Variants in FAM193A observed in about 807,000 individuals in gnomAD.
FAM193A encodes the protein family with sequence similarity 193 member A, also known as protein FAM193A.
A neutral mutation model predicts 126.5 loss-of-function variants in FAM193A; 22 were observed. The ratio of observed to expected loss-of-function variants is 0.17; its 90% CI spans 0.12 to 0.25. The LOEUF is 0.25. Ranked by LOEUF, FAM193A falls within the 10% of genes least tolerant of loss-of-function variation. The pLI, the probability that FAM193A is intolerant of heterozygous loss-of-function variation, is 1.00. For missense variants in FAM193A, 1,675 were observed against 1,672.8 expected, an observed-to-expected ratio of 1.00 and a Z score of -0.02; for synonymous variants, 761 against 646.8, an observed-to-expected ratio of 1.18 and a Z score of -2.68.
At chr4:2,545,660 T>C in intron 1 of FAM193A, among the ~76,000 whole-genome samples, 1 of 152,244 alleles carries the variant, frequency 6.6e-6, no homozygotes, top group East Asian at 1.9e-4. Flanking sequence ...TTTTAGAAAT[T>C]AACATGTAGC....
At chr4:2,558,090 C>G (rs1325949268) in intron 1 of FAM193A, among the ~76,000 whole-genome samples, 1 of 151,904 alleles carries the variant, frequency 6.6e-6, no homozygotes, top group African/African-American at 2.4e-5. Flanking sequence ...CTGGCCAACA[C>G]GGTGAAACCC....
intron 1 of FAM193A, among the ~76,000 whole-genome samples, chr4:2,558,428 C>T (rs1738399195): frequency 6.6e-6 from 1 of 152,204 alleles, no homozygotes; most frequent in Admixed American, 6.5e-5. Flanking sequence ...ATTGCCCAGG[C>T]TGGAGTGCAA....
In FAM193A at chr4:2,659,903, C is replaced by T. The variant is rs1238503109; in HGVS notation, c.1594C>T (p.Pro532Ser). 2 of 1,614,182 alleles carry T rather than the reference C, an allele frequency of 1.2e-6. No homozygotes were observed. The highest frequency in any genetic ancestry group is 1.7e-6 in the Non-Finnish European group (2 of 1,180,032). ...TGATGACATCCACATTCACCAGCTC[C>T]CACTTCAAGTGGATCCTGCTCCTGA... Reference protein sequence around the residue: ...VTDDIHIHQLPLQVDPAPDYL... With the variant: ...VTDDIHIHQLSLQVDPAPDYL... Residue 532 changes from proline to serine, a missense_variant, in exon 10 of 21, where the codon CCA becomes TCA. Pro to Ser is a moderately conservative substitution (Grantham distance 74, BLOSUM62 -1). Transcript: ENST00000637812.
chr4:2,661,835 C>T (rs1385323006), intron 10 of FAM193A, among the ~76,000 whole-genome samples: 1 of 152,162 alleles, frequency 6.6e-6, no homozygotes, highest in African/African-American at 2.4e-5. Flanking sequence ...TCTTTTAATG[C>T]ACCAGAGCTG....
At chr4:2,719,685 T>C (rs1205499021) in intron 20 of FAM193A, among the ~76,000 whole-genome samples, 2 of 145,058 alleles carry the variant, frequency 1.4e-5, no homozygotes, top group African/African-American at 5.2e-5. Flanking sequence ...GCGGAGGTTG[T>C]GGTGAGCCAA....
intron 7 of FAM193A, chr4:2,654,894 A>G (rs933709691): frequency 2.2e-6 from 1 of 454,026 alleles, no homozygotes; most frequent in Non-Finnish European, 3.9e-6. Context: ...GAAAATGGAG[A>G]TGCCCTGTGA....
At chr4:2,561,494 TTTC>T (rs1738611468) in intron 1 of FAM193A, among the ~76,000 whole-genome samples, 1 of 132,218 alleles carries the variant, frequency 7.6e-6, no homozygotes, top group Non-Finnish European at 1.6e-5. Context: ...CTTGTAGAGA[TTTC>T]TTTTTTTTTT....
At chr4:2,541,900 G>A (rs1352680983) in intron 1 of FAM193A, among the ~76,000 whole-genome samples, 4 of 151,816 alleles carry the variant, frequency 2.6e-5, no homozygotes, top group South Asian at 2.1e-4. Flanking sequence ...GCGCCATCTC[G>A]GCTCACTGCA....
At chr4:2,604,471 A>G (rs985752211) in intron 2 of FAM193A, among the ~76,000 whole-genome samples, 1 of 152,108 alleles carries the variant, frequency 6.6e-6, no homozygotes, top group Non-Finnish European at 1.5e-5. Flanking sequence ...GTCTTCCTTA[A>G]AAAGTTTGTT....
intron 1 of FAM193A, among the ~76,000 whole-genome samples, chr4:2,574,970 C>T (rs1739501683): frequency 6.6e-6 from 1 of 152,066 alleles, no homozygotes; most frequent in South Asian, 2.1e-4. Flanking sequence ...GCCTGCCATC[C>T]CTCCCCTCTG....
chr4:2,631,963 T>C (rs1309010522), intron 5 of FAM193A, among the ~76,000 whole-genome samples: 3 of 152,310 alleles, frequency 2.0e-5, no homozygotes, highest in Middle Eastern at 6.8e-3. Flanking sequence ...TATTAAATAA[T>C]ACTTAACTGT....
chr4:2,553,583 G>A (rs894392860), intron 1 of FAM193A, among the ~76,000 whole-genome samples: 1 of 152,032 alleles, frequency 6.6e-6, no homozygotes, highest in African/African-American at 2.4e-5. Flanking sequence ...GTTTCCCCAT[G>A]TTGGCCAGGT....
At chr4:2,580,870 C>G (rs755242972) in intron 1 of FAM193A, among the ~76,000 whole-genome samples, 4 of 152,222 alleles carry the variant, frequency 2.6e-5, no homozygotes, top group Non-Finnish European at 5.9e-5. Flanking sequence ...GGGCTCACGC[C>G]TGTAATCCCA....
intron 2 of FAM193A, among the ~76,000 whole-genome samples, chr4:2,605,189 A>G (rs964490942): frequency 6.6e-6 from 1 of 152,046 alleles, no homozygotes; most frequent in Non-Finnish European, 1.5e-5. Context: ...TTCTGCTACC[A>G]TGCAGGTCAA....
chr4:2,717,188 C>T (rs1327814636), intron 20 of FAM193A, among the ~76,000 whole-genome samples: 1 of 152,070 alleles, frequency 6.6e-6, no homozygotes, highest in Non-Finnish European at 1.5e-5. Context: ...CTATGTTGGC[C>T]AGGCAGGTCT....
chr4:2,540,556 G>A (rs923381999), intron 1 of FAM193A, among the ~76,000 whole-genome samples: 9 of 152,116 alleles, frequency 5.9e-5, no homozygotes, highest in African/African-American at 2.2e-4. Context: ...GCTGAGGCAG[G>A]AGAATGGCAT....
intron 1 of FAM193A, among the ~76,000 whole-genome samples, chr4:2,567,238 A>G (rs530875063): frequency 2.8e-5 from 4 of 142,884 alleles, no homozygotes; most frequent in African/African-American, 9.0e-5. Context: ...GTGAGCCACC[A>G]CGCCCGGCCT....
intron 2 of FAM193A, among the ~76,000 whole-genome samples, chr4:2,606,811 A>C (rs1011473086): frequency 6.6e-6 from 1 of 152,220 alleles, no homozygotes; most frequent in Admixed American, 6.5e-5. Flanking sequence ...AGTTCTTTAA[A>C]TGTTGAGTTT....
intron 16 of FAM193A, among the ~76,000 whole-genome samples, chr4:2,694,674 C>T (rs1405622121): frequency 1.3e-5 from 2 of 152,202 alleles, no homozygotes; most frequent in Non-Finnish European, 2.9e-5. Context: ...GGGGCAGTCT[C>T]AGAAGGAGTC....
Sources: gnomAD v4.1 joint callset for allele counts (sites outside exome capture counted in the v4.1 genomes callset) on GRCh38, gnomAD v4.1.1 for gene constraint, MANE v1.5 for transcripts, NCBI Gene and HGNC (gene_info 2026-07-23, HGNC 2026-07-21) for gene names.